Variants in LEKR1 observed in about 807,000 individuals in gnomAD.
The protein encoded by LEKR1 is protein LEKR1.
LEKR1 carries 59 observed loss-of-function variants against 72.4 expected under a neutral mutation model. The observed-to-expected ratio is 0.82, with a 90% CI of 0.66 to 1.01. The LOEUF (loss-of-function observed/expected upper bound fraction) is 1.01, where lower values mean the gene tolerates loss of function less well. Ranked by LOEUF, LEKR1 falls within the 50% of genes least tolerant of loss-of-function variation. The pLI, the probability that LEKR1 is intolerant of heterozygous loss-of-function variation, is 0.00. For synonymous variants in LEKR1, 257 were observed against 263.2 expected (o/e 0.98, Z 0.23); for missense variants, 728 against 759.2 (o/e 0.96, Z 0.48).
Position 156,909,669 on chromosome 3 carries a change from A to AAAAAAAG in LEKR1, c.264-10903_264-10902insAAAGAAA, listed in dbSNP as rs1553800892. 8.1e-3 allele frequency among the ~76,000 whole-genome samples: 1,185 copies of AAAAAAAG among 145,950 alleles called. 24 individuals are homozygous for AAAAAAAG. Among genetic ancestry groups the AAAAAAAG allele is most frequent in the African/African-American group, 0.029 (1,095 of 38,304 alleles). The stretch of plus-strand genomic sequence containing the variant: ...AGAGTCTGTCTCAAAAAAAAAAAAA[A>AAAAAAAG]AAAGAAATCTTCAATATCTTTACCT... On this transcript the variant is annotated intron_variant, in intron 3 of 12. Transcript: ENST00000356539.
intron 6 of LEKR1, among the ~76,000 whole-genome samples, chr3:156,975,685 C>T (rs1385279829): frequency 6.6e-6 from 1 of 152,176 alleles, no homozygotes; most frequent in Non-Finnish European, 1.5e-5. Context: ...AAACAGCTGG[C>T]TTCATATGAA....
intron 11 of LEKR1, among the ~76,000 whole-genome samples, chr3:157,027,855 AAT>A (rs1734318281): frequency 6.6e-6 from 1 of 152,158 alleles, no homozygotes. Context: ...TTTGTAGCTT[AAT>A]ATAGTCACAG....
intron 5 of LEKR1, among the ~76,000 whole-genome samples, chr3:156,940,922 A>G (rs887049434): frequency 5.3e-5 from 8 of 152,080 alleles, no homozygotes; most frequent in Non-Finnish European, 1.0e-4. Context: ...AAACATAGAT[A>G]TCGTTTTGGT....
At chr3:157,003,692 A>G (rs1732193872) in intron 9 of LEKR1, among the ~76,000 whole-genome samples, 1 of 152,186 alleles carries the variant, frequency 6.6e-6, no homozygotes, top group Non-Finnish European at 1.5e-5. Flanking sequence ...TCACATCTAC[A>G]AAGTCCCTTT....
chr3:156,970,369 A>G (rs1335611459), intron 6 of LEKR1, among the ~76,000 whole-genome samples: 2 of 152,166 alleles, frequency 1.3e-5, no homozygotes, highest in African/African-American at 4.8e-5. Flanking sequence ...TTTTGTTGCC[A>G]TTGCTTTTGG....
At chr3:156,839,146 C>A (rs1431731100) in intron 2 of LEKR1, among the ~76,000 whole-genome samples, 1 of 152,158 alleles carries the variant, frequency 6.6e-6, no homozygotes, top group African/African-American at 2.4e-5. Context: ...ATCAGGACTG[C>A]CCTTATCTAT....
chr3:156,885,553 C>G (rs1266883535), intron 3 of LEKR1, among the ~76,000 whole-genome samples: 2 of 152,178 alleles, frequency 1.3e-5, no homozygotes, highest in African/African-American at 4.8e-5. Flanking sequence ...TGTTATTGCT[C>G]TTCTATGCCT....
intron 12 of LEKR1, among the ~76,000 whole-genome samples, chr3:157,039,555 G>A (rs1249719777): frequency 6.6e-6 from 1 of 152,136 alleles, no homozygotes; most frequent in Admixed American, 6.5e-5. Flanking sequence ...GGGGGTTGAG[G>A]CTATAATGAG....
chr3:156,914,729 T>C (rs1283711835), intron 3 of LEKR1, among the ~76,000 whole-genome samples: 2 of 152,122 alleles, frequency 1.3e-5, no homozygotes, highest in African/African-American at 4.8e-5. Context: ...TTTTTTCCCT[T>C]TGTCTTAATT....
chr3:156,835,681 C>G (rs1489861005), intron 2 of LEKR1, among the ~76,000 whole-genome samples: 6 of 152,036 alleles, frequency 3.9e-5, no homozygotes, highest in African/African-American at 1.4e-4. Flanking sequence ...TGTAGTAACT[C>G]AATTGTAAGC....
intron 12 of LEKR1, among the ~76,000 whole-genome samples, chr3:157,033,684 A>C (rs1734776104): frequency 6.6e-6 from 1 of 152,202 alleles, no homozygotes; most frequent in Non-Finnish European, 1.5e-5. Context: ...ATCCAGATCT[A>C]GCTAAGATCA....
chr3:156,893,877 C>G (rs1354965881), intron 3 of LEKR1, among the ~76,000 whole-genome samples: 1 of 152,130 alleles, frequency 6.6e-6, no homozygotes, highest in Non-Finnish European at 1.5e-5. Flanking sequence ...GAAAATTGGC[C>G]TTGGGGTAAT....
At chr3:156,993,406 T>C (rs996975473) in intron 9 of LEKR1, 129 bp downstream of exon 9, 2 of 561,538 alleles carry the variant, frequency 3.6e-6, no homozygotes, top group African/African-American at 1.9e-5. Context: ...ATATTTCTCC[T>C]ACAAGGTCAT....
At chr3:157,028,619 G>T (rs909066821) in intron 12 of LEKR1, among the ~76,000 whole-genome samples, 8 of 152,118 alleles carry the variant, frequency 5.3e-5, no homozygotes, top group African/African-American at 1.9e-4. Flanking sequence ...TGGCTTTCCT[G>T]TGAACTACAT....
chr3:156,979,172 G>T (rs903940818), intron 6 of LEKR1, 22 bp from the exon 7 acceptor site: 20 of 1,096,580 alleles, frequency 1.8e-5, no homozygotes, highest in Non-Finnish European at 2.3e-5. Context: ...CTAATCAGAT[G>T]AAATACATTG....
At chr3:156,870,343 T>C (rs190486135) in intron 3 of LEKR1, among the ~76,000 whole-genome samples, 2 of 152,262 alleles carry the variant, frequency 1.3e-5, no homozygotes, top group Admixed American at 1.3e-4. Context: ...GAGCATACAA[T>C]GTCTTTTCAT....
chr3:156,942,702 AAAG>A lies in LEKR1; in HGVS notation c.737_739del (p.Glu246del). ...GCAAACCAGATGCTATGATTTGCAA[AAAG>A]AAGTACTAGGTAAAGAAAAGTCTTT... On this transcript the variant is annotated inframe_deletion, in exon 6 of 13. Transcript: ENST00000356539. The A allele has an allele frequency of 1.6e-6, 2 of 1,251,560 alleles. No individual in the cohort carries two copies. The highest frequency in any genetic ancestry group is 2.1e-6 in the Non-Finnish European group (2 of 975,026). 77.5% of individuals were successfully genotyped at this position (1,251,560 alleles called of 1,614,324 possible).
intron 12 of LEKR1, among the ~76,000 whole-genome samples, chr3:157,042,350 C>T (rs9818500): frequency 0.6 from 90,678 of 152,132 alleles, 30,360 homozygotes; most frequent in South Asian, 0.8. Context: ...AGCAGCTCTT[C>T]CCCCACCCCG....
chr3:156,919,108 CTTGT>C (rs1257511361), intron 3 of LEKR1, among the ~76,000 whole-genome samples: 1 of 152,180 alleles, frequency 6.6e-6, no homozygotes, highest in Non-Finnish European at 1.5e-5. Context: ...GCCCATTGTC[CTTGT>C]TCTTTGGCTT....
Sources: gnomAD v4.1 joint callset for allele counts (sites outside exome capture counted in the v4.1 genomes callset) on GRCh38, gnomAD v4.1.1 for gene constraint, MANE v1.5 for transcripts, NCBI Gene and HGNC (gene_info 2026-07-23, HGNC 2026-07-21) for gene names.